POGLUT2: variants seen among roughly 807,000 people sequenced by gnomAD.
POGLUT2 encodes the protein ER protein 58.
Under a neutral mutation model 57.6 loss-of-function variants are expected in POGLUT2, and 47 were observed. The observed-to-expected ratio is 0.82, with a 90% CI of 0.65 to 1.04. POGLUT2 has a LOEUF of 1.04. Ranked by LOEUF, POGLUT2 falls within the 50% of genes least tolerant of loss-of-function variation. The pLI is 0.00. For missense variants in POGLUT2, 565 were observed against 614.8 expected (o/e 0.92, Z 0.86); for synonymous variants, 200 against 218.8 (o/e 0.91, Z 0.76).
At chr13:102,798,428 T>G (rs1878527265) in intron 1 of POGLUT2, 61 bp downstream of exon 1, 1 of 1,451,036 alleles carries the variant, frequency 6.9e-7, no homozygotes, top group Admixed American at 2.3e-5. Context: ...AGAAAAATCT[T>G]AAAGGGAGAA....
chr13:102,786,191 G>C (rs752254120), intron 9 of POGLUT2, 41 bp downstream of exon 9: 1 of 1,339,462 alleles, frequency 7.5e-7, no homozygotes, highest in Non-Finnish European at 1.1e-6. Context: ...ATCAATGTTA[G>C]TTTTTACTCT....
rs45561546 is a variant in POGLUT2 at position 102,786,429 on chromosome 13, A to G, written c.1384-90T>C. The G allele has an allele frequency of 9.9e-4, 838 of 845,266 alleles. 4 individuals carry two copies. In the African/African-American group the frequency reaches 0.012, roughly 12 times the overall value. The allele number at this position is 845,266 out of a possible 1,614,324, so 52.4% of individuals were successfully genotyped here. Reference sequence around the variant, plus strand: ...CTAGAATATATGAAGACTATGATTCATTTAACTCATGTGTGTCAAACTGTG... The same window carrying G: ...CTAGAATATATGAAGACTATGATTCGTTTAACTCATGTGTGTCAAACTGTG... On this transcript the variant is annotated intron_variant, in intron 8 of 9. Coordinates refer to ENST00000376004, the MANE Select transcript of POGLUT2 (RefSeq NM_024089.3).
intron 7 of POGLUT2, 95 bp from the exon 8 acceptor site, chr13:102,788,018 C>T (rs1306260082): frequency 1.6e-6 from 1 of 619,808 alleles, no homozygotes; most frequent in Admixed American, 2.7e-5. Flanking sequence ...TACATTGGGG[C>T]AACTGTGGGA....
At chr13:102,796,668 T>G (rs935405110) in intron 2 of POGLUT2, 136 bp downstream of exon 2, 1 of 216,360 alleles carries the variant, frequency 4.6e-6, no homozygotes, top group Admixed American at 7.1e-5. Flanking sequence ...AAAGCCTTTA[T>G]TTTTCTTCTT....
At chr13:102,796,309 A>AAAAAAAAAAAAAAAAT (rs1555319540) in intron 2 of POGLUT2, among the ~76,000 whole-genome samples, 1 of 125,986 alleles carries the variant, frequency 7.9e-6, no homozygotes, top group African/African-American at 3.1e-5. Context: ...AAAAAAAAAA[A>AAAAAAAAAAAAAAAAT]AAATAAATAA....
At chr13:102,790,811 G>A in intron 6 of POGLUT2, 90 bp downstream of exon 6, 1 of 883,576 alleles carries the variant, frequency 1.1e-6, no homozygotes, top group Non-Finnish European at 1.8e-6. Context: ...CCCACCTCTT[G>A]AAATTTGCAG....
Position 102,790,966 on chromosome 13 carries a change from A to G in POGLUT2, c.1018T>C (p.Phe340Leu), listed in dbSNP as rs199829825. 73 of 1,614,000 alleles carry G rather than the reference A, an allele frequency of 4.5e-5. No homozygotes were observed. The highest frequency in any genetic ancestry group is 5.9e-5 in the Non-Finnish European group (70 of 1,179,934). ...CCATACAGGTTTTCATCGTGTTTAA[A>G]GAAGAAAAAGTTGGTGAAAGCAGCG... ...IDAAFTNFFF[F>L]KHDENLYGPI... The change falls in exon 6 of 10, where the codon TTT (phenylalanine) becomes CTT (leucine). Residue 340 changes from phenylalanine to leucine, a missense_variant. Physicochemically the swap from Phe to Leu is conservative, Grantham distance 22. Transcript: ENST00000376004.
chr13:102,791,096 A>T lies in POGLUT2; in HGVS notation c.888T>A (p.Pro296=). The change falls in exon 6 of 10, where the codon CCT becomes CCA. Residue 296 remains proline, a synonymous_variant. Coordinates refer to ENST00000376004, the MANE Select transcript of POGLUT2 (RefSeq NM_024089.3). ...CAGTGGAATTTTTGCTTTCCCAGGG[A>T]GGACCCGTGTTAGCTTGCACGGACA... The part of the protein sequence containing the change: ...DMMSVQANTG[P]PWESKNSTAV... 2 of 1,614,156 alleles carry T rather than the reference A, an allele frequency of 1.2e-6. No individual in the cohort carries two copies. Among genetic ancestry groups the T allele is most frequent in the South Asian group, 1.1e-5 (1 of 91,082 alleles).
chr13:102,793,084 G>C (rs1375149295), intron 4 of POGLUT2: 1 of 389,502 alleles, frequency 2.6e-6, no homozygotes, highest in African/African-American at 2.0e-5. Context: ...CTGACACTTT[G>C]ATTTTGGACA....
Position 102,785,947 on chromosome 13 carries a change from G to A in POGLUT2, c.1491+285C>T, listed in dbSNP as rs1213392843. 2.0e-5 allele frequency among the ~76,000 whole-genome samples: 3 copies of A among 152,190 alleles called. No homozygotes were observed. In the East Asian group the frequency reaches 5.8e-4, roughly 29 times the overall value. On this transcript the variant is annotated intron_variant, in intron 9 of 9. Transcript: ENST00000376004. Reference sequence around the variant, plus strand: ...TACACATGAAAATATTTTTCAGACTGTAAGCATCCATTCAAATAGGGTGTG... The same window carrying A: ...TACACATGAAAATATTTTTCAGACTATAAGCATCCATTCAAATAGGGTGTG...
intron 2 of POGLUT2, among the ~76,000 whole-genome samples, chr13:102,796,311 A>T (rs1011701367): frequency 1.5e-4 from 21 of 137,738 alleles, no homozygotes; most frequent in East Asian, 4.0e-4. Context: ...AAAAAAAAAA[A>T]ATAAATAAAT....
chr13:102,793,214 A>G, intron 4 of POGLUT2, 127 bp downstream of exon 4: 1 of 597,744 alleles, frequency 1.7e-6, no homozygotes, highest in Non-Finnish European at 3.0e-6. Context: ...AGAAAGCTTC[A>G]GAATAGTATT....
At chr13:102,785,282 T>G (rs1235269163) in intron 9 of POGLUT2, among the ~76,000 whole-genome samples, 2 of 152,210 alleles carry the variant, frequency 1.3e-5, no homozygotes, top group Admixed American at 1.3e-4. Flanking sequence ...AAGCTGGTTC[T>G]GTCACATCAC....
At chr13:102,794,483 G>A (rs1878299442) in intron 2 of POGLUT2, among the ~76,000 whole-genome samples, 1 of 152,074 alleles carries the variant, frequency 6.6e-6, no homozygotes, top group African/African-American at 2.4e-5. Flanking sequence ...CCAACATGTT[G>A]AAACCCCATC....
chr13:102,791,415 C>T lies in POGLUT2; in HGVS notation c.688G>A (p.Val230Met). The T allele has an allele frequency of 6.3e-7, 1 of 1,590,846 alleles. No individual in the cohort carries two copies. Residue 230 changes from valine (V) to methionine (M), a missense_variant, in exon 5 of 10, where the codon GTG (valine) becomes ATG (methionine). By Grantham distance (21) the Val-to-Met change is conservative (BLOSUM62 1). Transcript: ENST00000376004. ...TCTCCCAAATTAACAAAGAGCTCCACATCTGGCATCTTCACCTAGAAAAAA... is the reference window on the plus strand; with the variant it reads ...TCTCCCAAATTAACAAAGAGCTCCATATCTGGCATCTTCACCTAGAAAAAA... ...SLTRKVKMPD[V>M]ELFVNLGDWP... is the part of the protein sequence containing the mutation.
Position 102,796,475 on chromosome 13 carries a change from C to T in POGLUT2, c.388+329G>A, listed in dbSNP as rs1878394342. Among the ~76,000 whole-genome samples, 3 of 151,010 alleles carry T rather than the reference C, an allele frequency of 2.0e-5. No individual in the cohort carries two copies. The South Asian group carries it at 6.2e-4, about 31-fold the overall frequency. The stretch of plus-strand genomic sequence containing the variant: ...AATAACACTTATCAGTTACTTAAGT[C>T]ATATATTTCCAATTAAGAAAGTATC... On this transcript the variant is annotated intron_variant, in intron 2 of 9. Transcript: ENST00000376004.
At chr13:102,791,537 T>G (rs1173890607) in intron 4 of POGLUT2, 107 bp from the exon 5 acceptor site, 2 of 1,026,906 alleles carry the variant, frequency 1.9e-6, no homozygotes, top group Admixed American at 5.0e-5. Flanking sequence ...CAATGTTACA[T>G]GTTTCAGGTA....
rs1566436041 is a variant in POGLUT2, at chr13:102,789,234, G to A, written c.1084-13C>T. The stretch of plus-strand genomic sequence containing the variant: ...TTTGATACTTATGCTGCAAAACAAT[G>A]GTAAAGTCTAAGAACCTCTATTAAA... On this transcript the variant is annotated splice_polypyrimidine_tract_variant and intron_variant, in intron 6 of 9. Coordinates refer to ENST00000376004, the MANE Select transcript of POGLUT2 (RefSeq NM_024089.3). The A allele has an allele frequency of 1.9e-6, 3 of 1,604,716 alleles. No homozygotes were observed. The highest frequency in any genetic ancestry group is 2.6e-6 in the Non-Finnish European group (3 of 1,171,590).
At chr13:102,792,140 C>T (rs1878205436) in intron 4 of POGLUT2, 1 of 1,220,684 alleles carries the variant, frequency 8.2e-7, no homozygotes, top group Non-Finnish European at 1.0e-6. Flanking sequence ...TAACTACCTA[C>T]ATTCAGAATT....
Sources: gnomAD v4.1 joint callset for allele counts (sites outside exome capture counted in the v4.1 genomes callset) on GRCh38, gnomAD v4.1.1 for gene constraint, MANE v1.5 for transcripts, NCBI Gene and HGNC (gene_info 2026-07-23, HGNC 2026-07-21) for gene names.